The following PLCXD3 variants were observed in gnomAD, a reference collection of about 807,000 sequenced individuals.
The protein encoded by PLCXD3 is PI-PLC X domain-containing protein 3.
PLCXD3 carries 19 observed loss-of-function variants against 25.5 expected under a neutral mutation model. That is an observed-to-expected ratio of 0.75 (90% CI 0.52 to 1.09). The LOEUF (loss-of-function observed/expected upper bound fraction) is 1.09, where lower values mean the gene tolerates loss of function less well. Among genes scored for constraint, PLCXD3 ranks in the 50% least tolerant of loss-of-function variants. PLCXD3 has a pLI of 0.00. For missense variants in PLCXD3, 411 were observed against 388.1 expected (o/e 1.06, Z -0.50); for synonymous variants, 174 against 137.6 (o/e 1.26, Z -1.85).
chr5:41,382,919 C>G (rs1230275223), intron 1 of PLCXD3, among the ~76,000 whole-genome samples: 1 of 152,008 alleles, frequency 6.6e-6, no homozygotes, highest in Non-Finnish European at 1.5e-5. Context: ...TGCAGTCTTA[C>G]CCTTTTCCTT....
chr5:41,371,374 C>T (rs969499653), intron 2 of PLCXD3, among the ~76,000 whole-genome samples: 1 of 152,174 alleles, frequency 6.6e-6, no homozygotes, highest in Non-Finnish European at 1.5e-5. Flanking sequence ...CAATCTCCCA[C>T]AATACCGACT....
chr5:41,407,877 T>C (rs1746397757), intron 1 of PLCXD3, among the ~76,000 whole-genome samples: 1 of 152,224 alleles, frequency 6.6e-6, no homozygotes, highest in Non-Finnish European at 1.5e-5. Flanking sequence ...TCCTCCTCAG[T>C]ACATCTTACA....
intron 1 of PLCXD3, among the ~76,000 whole-genome samples, chr5:41,458,790 A>ATT (rs1747810709): frequency 6.6e-6 from 1 of 151,964 alleles, no homozygotes; most frequent in Non-Finnish European, 1.5e-5. Context: ...AGTAAATTAC[A>ATT]TTTATTTCAG....
intron 2 of PLCXD3, among the ~76,000 whole-genome samples, chr5:41,353,118 A>G: frequency 6.7e-6 from 1 of 148,402 alleles, no homozygotes; most frequent in South Asian, 2.2e-4. Flanking sequence ...TTTGAGACAG[A>G]GTCTCGCTCT....
chr5:41,319,276 A>G (rs529429386), intron 2 of PLCXD3, among the ~76,000 whole-genome samples: 1 of 152,332 alleles, frequency 6.6e-6, no homozygotes, highest in Admixed American at 6.5e-5. Context: ...ATAGACATTT[A>G]CAGAACATTT....
chr5:41,423,249 T>C (rs573645330), intron 1 of PLCXD3, among the ~76,000 whole-genome samples: 1 of 152,128 alleles, frequency 6.6e-6, no homozygotes, highest in Non-Finnish European at 1.5e-5. Context: ...GATGGTTTGG[T>C]AGATTATGCT....
intron 2 of PLCXD3, among the ~76,000 whole-genome samples, chr5:41,353,674 T>A (rs1484059110): frequency 6.6e-6 from 1 of 152,174 alleles, no homozygotes; most frequent in Non-Finnish European, 1.5e-5. Context: ...AGAAAGATAA[T>A]AAATGAATTA....
chr5:41,419,521 T>C (rs984768348), intron 1 of PLCXD3, among the ~76,000 whole-genome samples: 17 of 152,184 alleles, frequency 1.1e-4, no homozygotes, highest in Admixed American at 9.2e-4. Flanking sequence ...AAACAGTAGA[T>C]AGTATTTCTG....
chr5:41,313,835 C>T (rs766828802), intron 2 of PLCXD3, 65 bp from the exon 3 acceptor site: 3 of 1,476,856 alleles, frequency 2.0e-6, no homozygotes, highest in Non-Finnish European at 2.7e-6. Context: ...CTCTACAATT[C>T]TCAGTCTTCC....
intron 1 of PLCXD3, among the ~76,000 whole-genome samples, chr5:41,492,701 C>G (rs1290712910): frequency 6.6e-6 from 1 of 152,150 alleles, no homozygotes; most frequent in Non-Finnish European, 1.5e-5. Context: ...TCACTGATAC[C>G]CTTTCTTCCA....
chr5:41,351,876 C>A (rs1379092786), intron 2 of PLCXD3, among the ~76,000 whole-genome samples: 1 of 152,140 alleles, frequency 6.6e-6, no homozygotes, highest in Non-Finnish European at 1.5e-5. Context: ...TATCACTCAA[C>A]TTCTACTCTT....
intron 1 of PLCXD3, among the ~76,000 whole-genome samples, chr5:41,433,809 T>C (rs1273971942): frequency 2.0e-5 from 3 of 152,220 alleles, no homozygotes; most frequent in East Asian, 1.9e-4. Context: ...ATTAAAACCT[T>C]GTGAATTGAT....
At chr5:41,340,918 G>A (rs1056204736) in intron 2 of PLCXD3, among the ~76,000 whole-genome samples, 1 of 152,018 alleles carries the variant, frequency 6.6e-6, no homozygotes, top group Non-Finnish European at 1.5e-5. Flanking sequence ...CTTACTCCTG[G>A]CATTGAGTTA....
intron 2 of PLCXD3, among the ~76,000 whole-genome samples, chr5:41,363,241 C>T (rs1744840907): frequency 6.6e-6 from 1 of 152,154 alleles, no homozygotes; most frequent in South Asian, 2.1e-4. Flanking sequence ...ATTAATTTGT[C>T]TCTCCCACTG....
intron 1 of PLCXD3, among the ~76,000 whole-genome samples, chr5:41,446,129 A>T (rs1747491379): frequency 7.4e-6 from 1 of 134,486 alleles, no homozygotes; most frequent in Non-Finnish European, 1.5e-5. Context: ...CGGAGCTTGC[A>T]GTGCGCCACA....
chr5:41,416,497 C>T lies in PLCXD3; in HGVS notation c.104-33963G>A, dbSNP rs60076851. Among the ~76,000 whole-genome samples, 583 of 152,256 alleles carry T rather than the reference C, an allele frequency of 3.8e-3. 4 individuals are homozygous for T. The highest frequency in any genetic ancestry group is 0.014 in the African/African-American group (565 of 41,538). Reference sequence around the variant, plus strand: ...TACTTTCAGAATTGGAATCAGATCCCGGAACTGTACTCAGAAGCAGATGGG... The same window carrying T: ...TACTTTCAGAATTGGAATCAGATCCTGGAACTGTACTCAGAAGCAGATGGG... On this transcript the variant is annotated intron_variant, in intron 1 of 2. Coordinates refer to ENST00000377801, the MANE Select transcript of PLCXD3 (RefSeq NM_001005473.3).
chr5:41,435,140 C>T (rs1009858123), intron 1 of PLCXD3, among the ~76,000 whole-genome samples: 7 of 152,114 alleles, frequency 4.6e-5, no homozygotes, highest in African/African-American at 1.2e-4. Flanking sequence ...TAAATGGTAT[C>T]GTAGTGAGAA....
chr5:41,323,077 AT>A (rs1301581806), intron 2 of PLCXD3, among the ~76,000 whole-genome samples: 2 of 152,224 alleles, frequency 1.3e-5, no homozygotes, highest in African/African-American at 4.8e-5. Context: ...AACGACATGC[AT>A]GGAACTGGAG....
At chr5:41,468,298 A>G (rs1405940419) in intron 1 of PLCXD3, among the ~76,000 whole-genome samples, 2 of 151,962 alleles carry the variant, frequency 1.3e-5, no homozygotes, top group Non-Finnish European at 2.9e-5. Flanking sequence ...GATTACAGGC[A>G]TGAGCCACTG....
Sources: allele counts gnomAD v4.1 joint callset (sites outside exome capture counted in the v4.1 genomes callset), GRCh38; gene constraint gnomAD v4.1.1; transcripts MANE v1.5; gene names NCBI Gene and HGNC (gene_info 2026-07-23, HGNC 2026-07-21).